SLC8A1: variants seen among roughly 807,000 people sequenced by gnomAD.
SLC8A1 encodes the protein sodium/calcium exchanger 1.
In SLC8A1, 18 loss-of-function variants were observed where a neutral mutation model predicts 68.3. The observed-to-expected ratio is 0.26, with a 90% CI of 0.18 to 0.39. The LOEUF is 0.39. SLC8A1 is among the 10% of genes least tolerant of loss of function. The pLI is 1.00. For missense variants in SLC8A1, 985 were observed against 1,156.7 expected (o/e 0.85, Z 2.15); for synonymous variants, 475 against 415.5 (o/e 1.14, Z -1.74).
At chr2:40,507,233 T>C (rs920011488) in intron 1 of SLC8A1, among the ~76,000 whole-genome samples, 3 of 151,940 alleles carry the variant, frequency 2.0e-5, no homozygotes, top group South Asian at 2.1e-4. Context: ...TTTACTTACA[T>C]AATGTTGCAG....
At chr2:40,393,580 C>G (rs1685979798) in intron 2 of SLC8A1, among the ~76,000 whole-genome samples, 1 of 152,070 alleles carries the variant, frequency 6.6e-6, no homozygotes, top group Non-Finnish European at 1.5e-5. Flanking sequence ...AATGTACTCT[C>G]TAATTTACCA....
chr2:40,344,725 A>C (rs1668725021), intron 2 of SLC8A1, among the ~76,000 whole-genome samples: 1 of 152,220 alleles, frequency 6.6e-6, no homozygotes, highest in South Asian at 2.1e-4. Context: ...ACACAAGTTT[A>C]AAATGTTGAG....
At chr2:40,284,114 C>T (rs763178204) in intron 2 of SLC8A1, among the ~76,000 whole-genome samples, 54 of 151,932 alleles carry the variant, frequency 3.6e-4, no homozygotes, top group Non-Finnish European at 7.1e-4. Flanking sequence ...GTCTTGCACA[C>T]GAATTACATT....
At chr2:40,391,407 T>C (rs1217824323) in intron 2 of SLC8A1, among the ~76,000 whole-genome samples, 1 of 152,022 alleles carries the variant, frequency 6.6e-6, no homozygotes, top group Non-Finnish European at 1.5e-5. Flanking sequence ...AAATACTTTC[T>C]GGAAGCTCTA....
At chr2:40,115,002 GGA>G (rs1325928272) in exon 8 of SLC8A1, 1 of 243,920 alleles carries the variant, frequency 4.1e-6, no homozygotes, top group East Asian at 7.8e-5. Flanking sequence ...TTATCAACCT[GGA>G]GAGAGTGCAG....
intron 5 of SLC8A1, among the ~76,000 whole-genome samples, chr2:40,162,264 T>G (rs1234977857): frequency 6.6e-6 from 1 of 152,192 alleles, no homozygotes; most frequent in Non-Finnish European, 1.5e-5. Flanking sequence ...CTTTCTTTTC[T>G]CAACTCAGCC....
At chr2:40,236,505 A>G (rs1023197589) in intron 2 of SLC8A1, among the ~76,000 whole-genome samples, 2 of 151,638 alleles carry the variant, frequency 1.3e-5, no homozygotes, top group Non-Finnish European at 2.9e-5. Flanking sequence ...TCTGCACGTG[A>G]GATGGGTTTC....
At chr2:40,170,491 G>C (rs2047282105) in intron 4 of SLC8A1, 142 bp from the exon 7 acceptor site, 1 of 699,246 alleles carries the variant, frequency 1.4e-6, no homozygotes, top group Non-Finnish European at 2.5e-6. Context: ...ATGATCATAG[G>C]TCACCCCTAG....
intron 2 of SLC8A1, among the ~76,000 whole-genome samples, chr2:40,363,424 A>G (rs1001945519): frequency 6.6e-6 from 1 of 152,164 alleles, no homozygotes; most frequent in Non-Finnish European, 1.5e-5. Context: ...TGTAAATGCA[A>G]GAAAGCTACA....
At chr2:40,236,900 C>A (rs1386928721) in intron 2 of SLC8A1, among the ~76,000 whole-genome samples, 4 of 151,984 alleles carry the variant, frequency 2.6e-5, no homozygotes, top group South Asian at 4.2e-4. Flanking sequence ...GTTGAAAATT[C>A]TTTTCTTTAA....
intron 2 of SLC8A1, among the ~76,000 whole-genome samples, chr2:40,310,154 T>C (rs192135676): frequency 6.6e-6 from 1 of 152,360 alleles, no homozygotes; most frequent in Non-Finnish European, 1.5e-5. Flanking sequence ...TCCAAGTAAT[T>C]ACTGTGTCCA....
chr2:40,375,267 T>C (rs2149524567), intron 2 of SLC8A1, among the ~76,000 whole-genome samples: 2 of 152,202 alleles, frequency 1.3e-5, no homozygotes, highest in Middle Eastern at 6.8e-3. Flanking sequence ...TTAGTACCTT[T>C]GGCTTTGATG....
intron 1 of SLC8A1, among the ~76,000 whole-genome samples, chr2:40,438,335 T>G (rs141191580): frequency 6.6e-6 from 1 of 152,154 alleles, no homozygotes; most frequent in Non-Finnish European, 1.5e-5. Context: ...ATTTTCTACC[T>G]AAAAATATTT....
intron 2 of SLC8A1, among the ~76,000 whole-genome samples, chr2:40,222,972 G>A (rs2058528297): frequency 6.6e-6 from 1 of 152,122 alleles, no homozygotes; most frequent in African/African-American, 2.4e-5. Flanking sequence ...ATTCCTCAAG[G>A]ATCTAGAACT....
intron 1 of SLC8A1, among the ~76,000 whole-genome samples, chr2:40,500,048 A>G (rs1705956067): frequency 6.6e-6 from 1 of 152,062 alleles, no homozygotes; most frequent in Non-Finnish European, 1.5e-5. Context: ...TTGTTTCTAG[A>G]CTGTGGTTTG....
intron 1 of SLC8A1, among the ~76,000 whole-genome samples, chr2:40,468,701 T>C (rs1022162526): frequency 3.3e-5 from 5 of 152,124 alleles, no homozygotes; most frequent in Non-Finnish European, 5.9e-5. Flanking sequence ...TATACCCATC[T>C]TTAGCTTCAC....
chr2:40,403,432 C>G (rs192536627), intron 2 of SLC8A1, among the ~76,000 whole-genome samples: 1 of 152,158 alleles, frequency 6.6e-6, no homozygotes, highest in Non-Finnish European at 1.5e-5. Flanking sequence ...ATCCGCCACC[C>G]TCTTTCTACA....
chr2:40,263,924 G>A (rs2065030099), intron 2 of SLC8A1, among the ~76,000 whole-genome samples: 1 of 152,066 alleles, frequency 6.6e-6, no homozygotes, highest in Non-Finnish European at 1.5e-5. Context: ...CCTACAGAAT[G>A]GCAGAAAATT....
At chr2:40,181,904 G>A (rs1243993658) in intron 2 of SLC8A1, among the ~76,000 whole-genome samples, 1 of 152,204 alleles carries the variant, frequency 6.6e-6, no homozygotes, top group Non-Finnish European at 1.5e-5. Context: ...ACAGGGGATA[G>A]TATGGGGTTG....
Sources: gnomAD v4.1 joint callset for allele counts (sites outside exome capture counted in the v4.1 genomes callset) on GRCh38, gnomAD v4.1.1 for gene constraint, MANE v1.5 for transcripts, NCBI Gene and HGNC (gene_info 2026-07-23, HGNC 2026-07-21) for gene names.